SOX5: variants seen among roughly 807,000 people sequenced by gnomAD.
The protein encoded by SOX5 is SRY-box transcription factor 5, also known as transcription factor SOX-5.
Under a neutral mutation model 92.0 loss-of-function variants are expected in SOX5, and 9 were observed. The ratio of observed to expected loss-of-function variants is 0.10; its 90% CI spans 0.06 to 0.17. SOX5 has a LOEUF of 0.17. Ranked by LOEUF, SOX5 falls within the 10% of genes least tolerant of loss-of-function variation. SOX5 has a pLI of 1.00. For missense variants in SOX5, 642 were observed against 944.5 expected, an observed-to-expected ratio of 0.68 and a Z score of 4.20; for synonymous variants, 344 against 336.3, an observed-to-expected ratio of 1.02 and a Z score of -0.25.
intron 4 of SOX5, among the ~76,000 whole-genome samples, chr12:23,978,769 C>A (rs1459082045): frequency 6.6e-6 from 1 of 152,090 alleles, no homozygotes; most frequent in Non-Finnish European, 1.5e-5. Flanking sequence ...CAGAAAGTTA[C>A]TTAATACCTG....
Position 23,659,409 on chromosome 12 carries a change from CA to C in SOX5, c.931+6034del, listed in dbSNP as rs553393024. 3.8e-4 allele frequency among the ~76,000 whole-genome samples: 58 copies of C among 152,200 alleles called. 1 individual carries two copies. The South Asian group carries it at 0.012, about 30-fold the overall frequency. ...GAAAACCGATGAAGAGTAAATACAG[CA>C]TATTTTAAGTTTATTAAGCTTGGCT... On this transcript the variant is annotated intron_variant, in intron 7 of 14. Coordinates refer to ENST00000451604, the MANE Select transcript of SOX5 (RefSeq NM_006940.6).
intron 3 of SOX5, among the ~76,000 whole-genome samples, chr12:23,803,540 C>T (rs2095703456): frequency 6.6e-6 from 1 of 152,132 alleles, no homozygotes; most frequent in Non-Finnish European, 1.5e-5. Flanking sequence ...TAATGAATTG[C>T]CCTACCTTTG....
intron 4 of SOX5, among the ~76,000 whole-genome samples, chr12:24,127,929 A>G (rs1398581368): frequency 6.6e-6 from 1 of 152,210 alleles, no homozygotes; most frequent in Non-Finnish European, 1.5e-5. Context: ...TCCCTTAGGG[A>G]AATAGATCGG....
chr12:24,189,242 G>A (rs1045120444), intron 4 of SOX5, among the ~76,000 whole-genome samples: 2 of 152,182 alleles, frequency 1.3e-5, no homozygotes, highest in Middle Eastern at 3.4e-3. Context: ...AATACTGGCC[G>A]TTCTCCAATA....
intron 4 of SOX5, among the ~76,000 whole-genome samples, chr12:24,101,854 T>TA (rs1946130875): frequency 6.6e-6 from 1 of 152,108 alleles, no homozygotes; most frequent in Non-Finnish European, 1.5e-5. Context: ...CCCATACCAA[T>TA]AAAAATCTCA....
At chr12:23,566,813 T>C (rs968052638) in intron 10 of SOX5, among the ~76,000 whole-genome samples, 7 of 152,230 alleles carry the variant, frequency 4.6e-5, no homozygotes, top group African/African-American at 1.4e-4. Context: ...TAAAATGGCA[T>C]AGTAAAATAA....
rs543750425 is a variant in SOX5 at position 24,320,584 on chromosome 12, G to A, written c.-173-43272C>T. Among the ~76,000 whole-genome samples, 155 of 152,196 alleles carry A rather than the reference G, an allele frequency of 1.0e-3. 1 individual carries two copies. Among genetic ancestry groups the A allele is most frequent in the Middle Eastern group, 3.4e-3 (1 of 294 alleles). On this transcript the variant is annotated intron_variant, in intron 2 of 4. Transcript: ENST00000446891. ...GATGCTTAAATAAGATCCACTGTGC[G>A]TCTGGGCGCGGTGGCTCACGCCTGT...
intron 9 of SOX5, among the ~76,000 whole-genome samples, chr12:23,589,103 G>A (rs1297265351): frequency 6.6e-6 from 1 of 151,796 alleles, no homozygotes; most frequent in Non-Finnish European, 1.5e-5. Flanking sequence ...GTGTGACTAT[G>A]CATACATATA....
intron 6 of SOX5, among the ~76,000 whole-genome samples, chr12:23,713,188 T>A (rs2092208774): frequency 6.6e-6 from 1 of 151,870 alleles, no homozygotes; most frequent in Admixed American, 6.6e-5. Context: ...GTCACGCATC[T>A]ACAAGCCAAG....
At chr12:24,518,537 T>G (rs1489882945) in intron 1 of SOX5, among the ~76,000 whole-genome samples, 2 of 152,172 alleles carry the variant, frequency 1.3e-5, no homozygotes, top group African/African-American at 4.8e-5. Context: ...CTCAGCCAAA[T>G]ATATTTAGAA....
intron 2 of SOX5, among the ~76,000 whole-genome samples, chr12:23,886,534 T>A (rs1013876665): frequency 4.6e-5 from 7 of 152,084 alleles, no homozygotes; most frequent in Non-Finnish European, 8.8e-5. Context: ...CTGCAAGATT[T>A]TTTTTTTTCT....
intron 3 of SOX5, among the ~76,000 whole-genome samples, chr12:24,266,816 T>C (rs1056282971): frequency 4.6e-5 from 7 of 152,192 alleles, no homozygotes; most frequent in Non-Finnish European, 1.0e-4. Context: ...GTCTTATCAT[T>C]TAAGATGCAA....
At chr12:24,259,037 T>G (rs1298489580) in intron 3 of SOX5, among the ~76,000 whole-genome samples, 1 of 152,232 alleles carries the variant, frequency 6.6e-6, no homozygotes, top group Non-Finnish European at 1.5e-5. Context: ...AGGTAATGTA[T>G]CTAGATTTCT....
intron 3 of SOX5, among the ~76,000 whole-genome samples, chr12:24,273,198 G>T (rs1943992232): frequency 6.6e-6 from 1 of 152,214 alleles, no homozygotes; most frequent in Admixed American, 6.5e-5. Flanking sequence ...GGCAGAGGTT[G>T]CAGTGAGCCA....
chr12:24,447,004 T>C (rs991319879), intron 1 of SOX5, among the ~76,000 whole-genome samples: 5 of 152,270 alleles, frequency 3.3e-5, no homozygotes, highest in African/African-American at 1.2e-4. Flanking sequence ...CAAATATCCA[T>C]GAGTCCATAT....
chr12:24,537,496 TC>T (rs1280572531), intron 1 of SOX5, among the ~76,000 whole-genome samples: 1 of 152,222 alleles, frequency 6.6e-6, no homozygotes, highest in African/African-American at 2.4e-5. Flanking sequence ...GCCTGTTGAA[TC>T]CCGTCAACTG....
intron 7 of SOX5, among the ~76,000 whole-genome samples, chr12:23,662,091 T>C (rs1475913427): frequency 6.6e-6 from 1 of 152,122 alleles, no homozygotes; most frequent in Non-Finnish European, 1.5e-5. Context: ...AGTGTTTTCA[T>C]GTAATTATTT....
In SOX5 at chr12:24,288,404, G is replaced by T. The variant is rs540577232; in HGVS notation, c.-173-11092C>A. 2.3e-3 allele frequency among the ~76,000 whole-genome samples: 343 copies of T among 152,224 alleles called. 3 individuals are homozygous for T. The highest frequency in any genetic ancestry group is 3.7e-3 in the Non-Finnish European group (251 of 68,020). ...GCTTTCAGAGTATAACATTTTCTGG[G>T]TGCTAATGACTGGTTTGGCCTAAGA... On this transcript the variant is annotated intron_variant, in intron 2 of 4. Coordinates refer to the SOX5 transcript ENST00000446891.
chr12:23,894,720 T>C (rs1197572324), intron 2 of SOX5, among the ~76,000 whole-genome samples: 1 of 152,068 alleles, frequency 6.6e-6, no homozygotes, highest in Non-Finnish European at 1.5e-5. Context: ...TTCAAAAACA[T>C]GAACAAGTGG....
Sources: allele counts gnomAD v4.1 joint callset (sites outside exome capture counted in the v4.1 genomes callset), GRCh38; gene constraint gnomAD v4.1.1; transcripts MANE v1.5; gene names NCBI Gene and HGNC (gene_info 2026-07-23, HGNC 2026-07-21).